The following MSH3 variants were observed in gnomAD, a reference collection of about 807,000 sequenced individuals.
MSH3 encodes mutS homolog 3, also known as DNA mismatch repair protein Msh3.
In MSH3, 106 loss-of-function variants were observed where a neutral mutation model predicts 123.3. The ratio of observed to expected loss-of-function variants is 0.86; its 90% CI spans 0.73 to 1.01. The LOEUF (loss-of-function observed/expected upper bound fraction) is 1.01, where lower values mean the gene tolerates loss of function less well. Among genes scored for constraint, MSH3 ranks in the 50% least tolerant of loss-of-function variants. The pLI is 0.00. For missense variants in MSH3, 1,459 were observed against 1,347.6 expected, an observed-to-expected ratio of 1.08 and a Z score of -1.29; for synonymous variants, 515 against 481.4, an observed-to-expected ratio of 1.07 and a Z score of -0.91.
intron 8 of MSH3, among the ~76,000 whole-genome samples, chr5:80,695,048 T>G (rs1192507017): frequency 2.0e-5 from 3 of 151,226 alleles, no homozygotes; most frequent in Non-Finnish European, 4.4e-5. Flanking sequence ...CTATTATTTC[T>G]TCAAGGTTTT....
At chr5:80,781,561 C>A (rs1385724758) in intron 17 of MSH3, among the ~76,000 whole-genome samples, 1 of 151,654 alleles carries the variant, frequency 6.6e-6, no homozygotes, top group African/African-American at 2.4e-5. Flanking sequence ...TCTACCTCCC[C>A]AGCTCAAGCA....
intron 19 of MSH3, among the ~76,000 whole-genome samples, chr5:80,805,565 C>T (rs1226277468): frequency 3.5e-5 from 5 of 141,928 alleles, no homozygotes; most frequent in Non-Finnish European, 6.1e-5. Flanking sequence ...TTTGTCTTCA[C>T]TTTCAATATG....
intron 8 of MSH3, among the ~76,000 whole-genome samples, chr5:80,702,951 G>A (rs1390055143): frequency 1.3e-5 from 2 of 152,176 alleles, no homozygotes; most frequent in Non-Finnish European, 2.9e-5. Flanking sequence ...GGCTGAGGTG[G>A]CAGTGAGCCG....
chr5:80,660,150 G>A (rs961851504), intron 2 of MSH3, among the ~76,000 whole-genome samples: 5 of 151,944 alleles, frequency 3.3e-5, no homozygotes, highest in Admixed American at 6.6e-5. Flanking sequence ...GTTCCACATG[G>A]CTGGGGAGGC....
intron 19 of MSH3, among the ~76,000 whole-genome samples, chr5:80,811,652 G>T (rs1433319130): frequency 6.6e-6 from 1 of 152,104 alleles, no homozygotes; most frequent in African/African-American, 2.4e-5. Flanking sequence ...CAAGAATTCA[G>T]TAGGGATGTT....
chr5:80,703,959 G>C (rs957265851), intron 8 of MSH3, among the ~76,000 whole-genome samples: 3 of 152,128 alleles, frequency 2.0e-5, no homozygotes, highest in African/African-American at 7.2e-5. Flanking sequence ...CATAGGGCGT[G>C]TTCTGTGGTG....
intron 20 of MSH3, among the ~76,000 whole-genome samples, chr5:80,845,125 G>A (rs1277865462): frequency 1.3e-5 from 2 of 152,124 alleles, no homozygotes. Flanking sequence ...GCATTTGGTT[G>A]TCTGTGAAGG....
At chr5:80,757,091 T>C (rs1290681364) in intron 12 of MSH3, among the ~76,000 whole-genome samples, 1 of 151,472 alleles carries the variant, frequency 6.6e-6, no homozygotes, top group Non-Finnish European at 1.5e-5. Flanking sequence ...TTTTTAAACA[T>C]TTTATGTTGG....
intron 20 of MSH3, among the ~76,000 whole-genome samples, chr5:80,851,266 T>C (rs1449545372): frequency 1.3e-5 from 2 of 152,194 alleles, no homozygotes; most frequent in East Asian, 3.8e-4. Flanking sequence ...TAGACATTGC[T>C]AAATTGTCTT....
At chr5:80,784,738 G>A (rs755242271) in intron 17 of MSH3, among the ~76,000 whole-genome samples, 4 of 152,168 alleles carry the variant, frequency 2.6e-5, no homozygotes, top group Non-Finnish European at 4.4e-5. Context: ...TCTGATGCTA[G>A]GGGCCTGTCC....
At chr5:80,738,781 T>C (rs1743559884) in intron 10 of MSH3, among the ~76,000 whole-genome samples, 1 of 152,238 alleles carries the variant, frequency 6.6e-6, no homozygotes, top group Non-Finnish European at 1.5e-5. Context: ...AATTCACATG[T>C]TGAAACCTAA....
At position 80,665,454 on chromosome 5, in the gene MSH3, T is replaced by C. The variant is rs1408219034; in HGVS notation, c.579+91T>C. The C allele has an allele frequency of 3.1e-6, 3 of 972,874 alleles. No individual in the cohort carries two copies. The African/African-American group carries it at 4.9e-5, about 16-fold the overall frequency. 60.3% of individuals were successfully genotyped at this position (972,874 alleles called of 1,614,324 possible). On this transcript the variant is annotated intron_variant, in intron 3 of 23. Coordinates refer to ENST00000265081, the MANE Select transcript of MSH3 (RefSeq NM_002439.5). The stretch of plus-strand genomic sequence containing the variant: ...TCTCTGAGGTCATTCATGGCAATGG[T>C]TCCTAAACTTGGATGGTCTTCTGAA...
At chr5:80,857,032 G>A (rs1215433546) in intron 21 of MSH3, among the ~76,000 whole-genome samples, 1 of 152,146 alleles carries the variant, frequency 6.6e-6, no homozygotes, top group Admixed American at 6.5e-5. Context: ...GTTAGCTAGA[G>A]GTTGTTTGTG....
At chr5:80,813,206 T>C (rs538175389) in intron 19 of MSH3, among the ~76,000 whole-genome samples, 4 of 152,230 alleles carry the variant, frequency 2.6e-5, no homozygotes, top group African/African-American at 9.6e-5. Flanking sequence ...CAACCCCAAA[T>C]AGGGCCATGG....
chr5:80,672,845 A>G lies in MSH3; in HGVS notation c.1014A>G (p.Thr338=). 1.2e-6 allele frequency: 2 copies of G among 1,609,964 alleles called. No individual in the cohort carries two copies. Among genetic ancestry groups the G allele is most frequent in the Non-Finnish European group, 1.7e-6 (2 of 1,176,234 alleles). Residue 338 remains threonine (T), a synonymous_variant, in exon 6 of 24, where the codon ACA becomes ACG. Coordinates refer to ENST00000265081, the MANE Select transcript of MSH3 (RefSeq NM_002439.5). The stretch of plus-strand genomic sequence containing the variant: ...TGACTGCCCTTTATACAAAATCTAC[A>G]CTTATTGGAGAAGATATCCTTTTTG... ...RKLTALYTKS[T]LIGEDVNPLI... is the part of the protein sequence containing the mutation.
At chr5:80,718,588 A>G (rs891490384) in intron 8 of MSH3, among the ~76,000 whole-genome samples, 1 of 150,628 alleles carries the variant, frequency 6.6e-6, no homozygotes, top group South Asian at 2.1e-4. Flanking sequence ...ATAGAGTTTA[A>G]GATATTCCTC....
intron 15 of MSH3, among the ~76,000 whole-genome samples, chr5:80,771,703 C>G (rs1027142449): frequency 6.6e-6 from 1 of 152,116 alleles, no homozygotes; most frequent in African/African-American, 2.4e-5. Flanking sequence ...ATAGCAGCCC[C>G]ATGTGAGCCA....
rs200918376 is a variant in MSH3 at position 80,867,688 on chromosome 5, GA to G, written c.3130+2750del. On this transcript the variant is annotated intron_variant, in intron 22 of 23. Coordinates refer to ENST00000265081, the MANE Select transcript of MSH3 (RefSeq NM_002439.5). Reference sequence around the variant, plus strand: ...AAAAGTTTTGAGATTTTTCATGAATGAAAATGTTTCACATGCTTGTTGGCCA... The same window carrying G: ...AAAAGTTTTGAGATTTTTCATGAATGAAATGTTTCACATGCTTGTTGGCCA... 3.1e-3 allele frequency among the ~76,000 whole-genome samples: 471 copies of G among 152,302 alleles called. 7 individuals are homozygous for G. The highest frequency in any genetic ancestry group is 0.02 in the East Asian group (105 of 5,184).
chr5:80,676,153 C>A (rs1248817220), intron 7 of MSH3, among the ~76,000 whole-genome samples: 1 of 152,158 alleles, frequency 6.6e-6, no homozygotes, highest in African/African-American at 2.4e-5. Flanking sequence ...GCCTCAGCCT[C>A]CCGAGTAGCT....
Sources: gnomAD v4.1 joint callset for allele counts (sites outside exome capture counted in the v4.1 genomes callset) on GRCh38, gnomAD v4.1.1 for gene constraint, MANE v1.5 for transcripts, NCBI Gene and HGNC (gene_info 2026-07-23, HGNC 2026-07-21) for gene names.